Variants in CXXC1 observed in about 807,000 individuals in gnomAD.
CXXC1 encodes CXXC-type zinc finger protein 1.
CXXC1 carries 21 observed loss-of-function variants against 83.6 expected under a neutral mutation model. That is an observed-to-expected ratio of 0.25 (90% confidence interval 0.18 to 0.36). The LOEUF (loss-of-function observed/expected upper bound fraction) is 0.36, where lower values mean the gene tolerates loss of function less well. CXXC1 is among the 10% of genes least tolerant of loss of function. The pLI, the probability that CXXC1 is intolerant of heterozygous loss-of-function variation, is 1.00. For synonymous variants in CXXC1, 371 were observed against 337.5 expected (o/e 1.10, Z -1.09); for missense variants, 688 against 919.5 (o/e 0.75, Z 3.26).
In CXXC1 at chr18:50,286,720, C is replaced by A; in HGVS notation, c.122+20G>T. 1 of 1,610,586 alleles carries A rather than the reference C, an allele frequency of 6.2e-7. No individual in the cohort carries two copies. The highest frequency in any genetic ancestry group is 2.2e-5 in the East Asian group (1 of 44,854). On this transcript the variant is annotated intron_variant, in intron 2 of 14. Transcript: ENST00000285106. ...CCCCACCCTGCCAGTGTCAGCCCCG[C>A]CCATCTCTCCCGCGCTCACATCATG...
intron 3 of CXXC1, 121 bp downstream of exon 3, chr18:50,286,418 C>T: frequency 9.4e-7 from 1 of 1,068,792 alleles, no homozygotes; most frequent in Non-Finnish European, 1.4e-6. Flanking sequence ...CTATTACTCA[C>T]AATGGAGCCC....
rs2040671246 is a variant in CXXC1 at position 50,283,977 on chromosome 18, G to C, written c.1330C>G (p.Leu444Val). ...TGGAATCGGCGTTCCATTTCCTGAA[G>C]GCGAGTGCGGGCACTCTGCTGCTCT... ...RREQQSARTRLQEMERRFHEL... is the reference protein window; with the variant it reads ...RREQQSARTRVQEMERRFHEL... The change falls in exon 10 of 15, where the codon CTT (leucine) becomes GTT (valine). Residue 444 changes from leucine (L) to valine (V), a missense_variant. Leu to Val is a conservative substitution (Grantham distance 32). Coordinates refer to ENST00000285106, the MANE Select transcript of CXXC1 (RefSeq NM_014593.4). 2 of 1,613,712 alleles carry C rather than the reference G, an allele frequency of 1.2e-6. No individual in the cohort carries two copies. Among genetic ancestry groups the C allele is most frequent in the South Asian group, 2.2e-5 (2 of 91,086 alleles).
chr18:50,283,703 A>T lies in CXXC1; in HGVS notation c.1524+2T>A. ...TCCGCCCCCTCAGTCTGACACCCCAACCTTGGCGTAGCAGCGCTCCATGTG... is the reference window on the plus strand; with the variant it reads ...TCCGCCCCCTCAGTCTGACACCCCATCCTTGGCGTAGCAGCGCTCCATGTG... On this transcript the variant is annotated splice_donor_variant, in intron 11 of 14. Transcript: ENST00000285106. LOFTEE classifies it high-confidence loss of function. 6.2e-7 allele frequency: 1 copy of T among 1,613,748 alleles called. No homozygotes were observed. Among genetic ancestry groups the T allele is most frequent in the Non-Finnish European group, 8.5e-7 (1 of 1,179,768 alleles).
Position 50,285,176 on chromosome 18 carries a change from C to T in CXXC1, c.738G>A (p.Gln246=). The change falls in exon 7 of 15, where the codon CAG becomes CAA. Residue 246 remains glutamine (Q), a synonymous_variant. Transcript: ENST00000285106. The surrounding 1 kb of genome is among the most constrained non-coding windows in gnomAD (Gnocchi z 4.4). ...RRPLPTQQQP[Q]PSQKLGRIRE... ...GGATGCGCCCTAACTTCTGTGATGGCTGTGGCTGCTGTTGGGTGGGCAGTG... is the reference window on the plus strand; with the variant it reads ...GGATGCGCCCTAACTTCTGTGATGGTTGTGGCTGCTGTTGGGTGGGCAGTG... 6.2e-7 allele frequency: 1 copy of T among 1,614,210 alleles called. No individual in the cohort carries two copies. The highest frequency in any genetic ancestry group is 1.1e-5 in the South Asian group (1 of 91,090).
chr18:50,282,879 T>C lies in CXXC1; in HGVS notation c.1799A>G (p.Glu600Gly). ...HYCWEKLRRA[E>G]VDLERVRVWY... Reference sequence around the variant, plus strand: ...CACACGCACGCGCTCCAAGTCCACTTCCGCACGCCGCAGCTTCTCCCAGCA... The same window carrying C: ...CACACGCACGCGCTCCAAGTCCACTCCCGCACGCCGCAGCTTCTCCCAGCA... Residue 600 changes from glutamate (E) to glycine (G), a missense_variant, in exon 14 of 15, where the codon GAA becomes GGA. By Grantham distance (98) the Glu-to-Gly change is moderately conservative (BLOSUM62 -2). Coordinates refer to ENST00000285106, the MANE Select transcript of CXXC1 (RefSeq NM_014593.4). The surrounding 1 kb of genome is among the most constrained non-coding windows in gnomAD (Gnocchi z 5.8). 2 of 1,614,124 alleles carry C rather than the reference T, an allele frequency of 1.2e-6. No homozygotes were observed. Among genetic ancestry groups the C allele is most frequent in the Non-Finnish European group, 1.7e-6 (2 of 1,180,022 alleles).
intron 13 of CXXC1, 51 bp downstream of exon 13, chr18:50,283,214 A>G (rs1328249115): frequency 6.8e-7 from 1 of 1,475,172 alleles, no homozygotes; most frequent in South Asian, 1.1e-5. Context: ...AATGTGGGAC[A>G]GCGAGGCAGG....
chr18:50,287,520 G>A lies in CXXC1; in HGVS notation c.3+67C>T. Reference sequence around the variant, plus strand: ...CTCACCACAGACCCCTGAGTCGGCCGACAGACCCCACTGTTGCCAACCGAC... The same window carrying A: ...CTCACCACAGACCCCTGAGTCGGCCAACAGACCCCACTGTTGCCAACCGAC... On this transcript the variant is annotated intron_variant, in intron 1 of 14. Coordinates refer to ENST00000285106, the MANE Select transcript of CXXC1 (RefSeq NM_014593.4). 4 of 1,593,402 alleles carry A rather than the reference G, an allele frequency of 2.5e-6. No individual in the cohort carries two copies. The South Asian group carries it at 3.3e-5, about 13-fold the overall frequency.
At position 50,285,981 on chromosome 18, in the gene CXXC1, G is replaced by A. The variant is rs770654799; in HGVS notation, c.459+41C>T. ...CATGGACCCAGGCAGGGCTGAAACGGAACCACTTTACACATCCATTCACTT... is the reference window on the plus strand; with the variant it reads ...CATGGACCCAGGCAGGGCTGAAACGAAACCACTTTACACATCCATTCACTT... On this transcript the variant is annotated intron_variant, in intron 4 of 14. Coordinates refer to ENST00000285106, the MANE Select transcript of CXXC1 (RefSeq NM_014593.4). This position sits in a 1 kb window ranked among gnomAD's most constrained non-coding sequence, Gnocchi z 4.4. 3.7e-6 allele frequency: 6 copies of A among 1,613,798 alleles called. No individual in the cohort carries two copies. Among genetic ancestry groups the A allele is most frequent in the Non-Finnish European group, 5.1e-6 (6 of 1,179,960 alleles).
At chr18:50,286,461 TC>T in intron 3 of CXXC1, 77 bp downstream of exon 3, 2 of 1,254,996 alleles carry the variant, frequency 1.6e-6, no homozygotes, top group Non-Finnish European at 2.3e-6. Flanking sequence ...GTATCACTAA[TC>T]CCCATAACCC....
chr18:50,287,015 C>T (rs2040725537), intron 1 of CXXC1, 157 bp from the exon 2 acceptor site: 3 of 624,438 alleles, frequency 4.8e-6, no homozygotes, highest in Non-Finnish European at 8.7e-6. Context: ...CCCCACTGAC[C>T]CCCATCCCTT....
At chr18:50,283,845 G>A (rs1001147273) in intron 10 of CXXC1, 30 bp from the exon 11 acceptor site, 1 of 1,613,880 alleles carries the variant, frequency 6.2e-7, no homozygotes. Context: ...CAATAAGGCT[G>A]GGAAGGACAA....
At position 50,284,713 on chromosome 18, in the gene CXXC1, A is replaced by G; in HGVS notation, c.1020+19T>C. The stretch of plus-strand genomic sequence containing the variant: ...CCCCACCCTCTGCCTTTCCACATCC[A>G]CTTTACCCTCTCCATCACCTTCTTC... On this transcript the variant is annotated intron_variant, in intron 8 of 14. Coordinates refer to ENST00000285106, the MANE Select transcript of CXXC1 (RefSeq NM_014593.4). 6.2e-7 allele frequency: 1 copy of G among 1,610,560 alleles called. No individual in the cohort carries two copies. Among genetic ancestry groups the G allele is most frequent in the Non-Finnish European group, 8.5e-7 (1 of 1,178,508 alleles).
chr18:50,282,563 G>T lies in CXXC1; in HGVS notation c.*30C>A. 1 of 1,600,960 alleles carries T rather than the reference G, an allele frequency of 6.2e-7. No homozygotes were observed. The highest frequency in any genetic ancestry group is 8.5e-7 in the Non-Finnish European group (1 of 1,178,766). On this transcript the variant is annotated 3_prime_UTR_variant, in exon 15 of 15. Coordinates refer to ENST00000285106, the MANE Select transcript of CXXC1 (RefSeq NM_014593.4). This position sits in a 1 kb window ranked among gnomAD's most constrained non-coding sequence, Gnocchi z 5.8. ...ACCGGGCGGCTCCCCCATCTGGAATGCAGGGTGTAAGGGGTCCGGGCCAGG... is the reference window on the plus strand; with the variant it reads ...ACCGGGCGGCTCCCCCATCTGGAATTCAGGGTGTAAGGGGTCCGGGCCAGG...
Position 50,285,424 on chromosome 18 carries a change from C to G in CXXC1, c.640-73G>C. The stretch of plus-strand genomic sequence containing the variant: ...GCGGCCTTGCCCTAGCCCTACCCAC[C>G]TGGCCTGGCCTTACCTCCCCAGACA... On this transcript the variant is annotated intron_variant, in intron 5 of 14. Coordinates refer to ENST00000285106, the MANE Select transcript of CXXC1 (RefSeq NM_014593.4). This position sits in a 1 kb window ranked among gnomAD's most constrained non-coding sequence, Gnocchi z 4.4. The G allele has an allele frequency of 6.6e-7, 1 of 1,509,068 alleles. No homozygotes were observed. Among genetic ancestry groups the G allele is most frequent in the Non-Finnish European group, 8.9e-7 (1 of 1,128,660 alleles). 93.5% of individuals were successfully genotyped at this position (1,509,068 alleles called of 1,614,324 possible).
chr18:50,286,265 G>A lies in CXXC1; in HGVS notation c.224-8C>T. The A allele has an allele frequency of 3.1e-6, 5 of 1,591,322 alleles. No individual in the cohort carries two copies. The highest frequency in any genetic ancestry group is 2.2e-5 in the South Asian group (2 of 89,628). On this transcript the variant is annotated splice_region_variant and splice_polypyrimidine_tract_variant and intron_variant, in intron 3 of 14. Coordinates refer to ENST00000285106, the MANE Select transcript of CXXC1 (RefSeq NM_014593.4). ...CTAGCTTGGGGTCTTTCTCTGTGGG[G>A]CAGAGAGTAGGGCCAAAGTGAGTGA...
intron 1 of CXXC1, chr18:50,287,239 T>A: frequency 2.0e-6 from 1 of 497,026 alleles, no homozygotes; most frequent in Non-Finnish European, 3.6e-6. Flanking sequence ...CCACCCCCAG[T>A]CGCGGCTGTC....
Position 50,284,769 on chromosome 18 carries a change from T to A in CXXC1, c.983A>T (p.Lys328Met). The A allele has an allele frequency of 6.2e-7, 1 of 1,614,152 alleles. No homozygotes were observed. Among genetic ancestry groups the A allele is most frequent in the Non-Finnish European group, 8.5e-7 (1 of 1,180,026 alleles). ...CTTCTTCTCCCGACGCTTCACATGC[T>A]TCACTTTCACTGCCCTCTTCCGCAG... Reference protein sequence around the residue: ...PALRKRAVKVKHVKRREKKSE... With the variant: ...PALRKRAVKVMHVKRREKKSE... Residue 328 changes from lysine to methionine, a missense_variant, in exon 8 of 15, where the codon AAG becomes ATG. Around this residue, in one of 9 missense-constraint regions of CXXC1, gnomAD observed 190 missense variants for 199.7 expected, o/e 0.95. Coordinates refer to ENST00000285106, the MANE Select transcript of CXXC1 (RefSeq NM_014593.4).
Position 50,285,938 on chromosome 18 carries a change from G to A in CXXC1, c.460-10C>T. The A allele has an allele frequency of 6.2e-7, 1 of 1,613,942 alleles. No homozygotes were observed. The highest frequency in any genetic ancestry group is 1.3e-5 in the African/African-American group (1 of 75,044). Reference sequence around the variant, plus strand: ...GCTGCTGCTGGTGATGCTGCAGGAGGGGGCCCAGAACAGAAATCATGGACC... The same window carrying A: ...GCTGCTGCTGGTGATGCTGCAGGAGAGGGCCCAGAACAGAAATCATGGACC... On this transcript the variant is annotated splice_polypyrimidine_tract_variant and intron_variant, in intron 4 of 14. Coordinates refer to ENST00000285106, the MANE Select transcript of CXXC1 (RefSeq NM_014593.4). This position sits in a 1 kb window ranked among gnomAD's most constrained non-coding sequence, Gnocchi z 4.4.
Position 50,285,868 on chromosome 18 carries a change from C to A in CXXC1, c.520G>T (p.Ala174Ser), listed in dbSNP as rs528540370. 1 of 1,614,236 alleles carries A rather than the reference C, an allele frequency of 6.2e-7. No individual in the cohort carries two copies. The highest frequency in any genetic ancestry group is 1.7e-5 in the Admixed American group (1 of 60,018). Residue 174 changes from alanine (A) to serine (S), a missense_variant, in exon 5 of 15, where the codon GCA (alanine) becomes TCA (serine). Ala to Ser is a moderately conservative substitution (Grantham distance 99). This residue lies in a region of CXXC1 where 35 missense variants were observed against 92.2 expected (regional missense o/e 0.38). Transcript: ENST00000285106. The surrounding 1 kb of genome is among the most constrained non-coding windows in gnomAD (Gnocchi z 4.4). ...CCACAGTCCTCAGTGCGCCGACATGCCTCACACTCACCACACATGCGGGCT... is the reference window on the plus strand; with the variant it reads ...CCACAGTCCTCAGTGCGCCGACATGACTCACACTCACCACACATGCGGGCT... The part of the protein sequence containing the change: ...RSARMCGECE[A>S]CRRTEDCGHC...
Sources: gnomAD v4.1 joint callset for allele counts on GRCh38, gnomAD v4.1.1 for gene constraint, gnomAD v4.1.1 regional missense constraint, Gnocchi (gnomAD v3.1) non-coding constraint, MANE v1.5 for transcripts, NCBI Gene and HGNC (gene_info 2026-07-23, HGNC 2026-07-21) for gene names.